The following USP24 variants were observed in gnomAD, a reference collection of about 807,000 sequenced individuals.
The protein encoded by USP24 is ubiquitin specific peptidase 24.
In USP24, 97 loss-of-function variants were observed where a neutral mutation model predicts 361.6. The ratio of observed to expected loss-of-function variants is 0.27; its 90% CI spans 0.23 to 0.32. The LOEUF is 0.32. Among genes scored for constraint, USP24 ranks in the 10% least tolerant of loss-of-function variants. The pLI, the probability that USP24 is intolerant of heterozygous loss-of-function variation, is 1.00. For synonymous variants in USP24, 1,098 were observed against 1,124.6 expected (o/e 0.98, Z 0.47); for missense variants, 2,353 against 3,165.6 (o/e 0.74, Z 6.16).
intron 16 of USP24, among the ~76,000 whole-genome samples, chr1:55,152,258 C>G (rs1647221091): frequency 6.6e-6 from 1 of 152,104 alleles, no homozygotes; most frequent in African/African-American, 2.4e-5. Flanking sequence ...CACAAAATAA[C>G]TCCAAAAATT....
intron 1 of USP24, among the ~76,000 whole-genome samples, chr1:55,191,869 C>T (rs527790409): frequency 1.7e-4 from 26 of 152,276 alleles, no homozygotes; most frequent in African/African-American, 6.3e-4. Context: ...TACCCCCACA[C>T]AGTTTAGCAA....
chr1:55,199,196 C>T (rs548170864), intron 1 of USP24, among the ~76,000 whole-genome samples: 15 of 151,878 alleles, frequency 9.9e-5, no homozygotes, highest in East Asian at 1.9e-4. Context: ...GGCTCAGGCA[C>T]GAGAATCACT....
rs17111576 is a variant in USP24, at chr1:55,077,295, T to C, written c.7320A>G (p.Gln2440=). The change falls in exon 62 of 68, where the codon CAA becomes CAG. Residue 2440 remains glutamine (Q), a synonymous_variant. Coordinates refer to ENST00000294383, the MANE Select transcript of USP24 (RefSeq NM_015306.3). ...SFTMLHFIKN[Q]LETAPPHELK... is the part of the protein sequence containing the mutation. ...ACTCATGAGGTGGAGCCGTTTCTAG[T>C]TGGTTCTGAAATATTTTTTAAAAGC... The C allele has an allele frequency of 7.4e-3, 11,522 of 1,558,478 alleles. 668 individuals are homozygous for C. The African/African-American group carries it at 0.14, about 18-fold the overall frequency.
At position 55,214,867 on chromosome 1, in the gene USP24, G is replaced by GGCCGCC. The variant is rs540467668; in HGVS notation, c.241_246dup (p.Gly81_Gly82dup). 12 of 1,220,346 alleles carry GGCCGCC rather than the reference G, an allele frequency of 9.8e-6. No homozygotes were observed. The highest frequency in any genetic ancestry group is 1.6e-5 in the African/African-American group (1 of 62,818). 75.6% of individuals were successfully genotyped at this position (1,220,346 alleles called of 1,614,324 possible). A position where few individuals can be genotyped will look rare whatever the true frequency, so the allele number is the denominator to read the frequency against. ...CCTCCGGTGCTCCCGCCGCGGGAGG[G>GGCCGCC]GCCGCCGCCGCCGCCGTCACCTCCG... On this transcript the variant is annotated inframe_insertion, in exon 1 of 68. Coordinates refer to ENST00000294383, the MANE Select transcript of USP24 (RefSeq NM_015306.3).
At chr1:55,138,008 G>A (rs1336858636) in intron 26 of USP24, 104 bp from the exon 27 acceptor site, 4 of 1,115,856 alleles carry the variant, frequency 3.6e-6, no homozygotes, top group African/African-American at 1.6e-5. Context: ...TCTAGAAGCT[G>A]GGAACACAGC....
intron 10 of USP24, among the ~76,000 whole-genome samples, chr1:55,157,632 A>C (rs1041363170): frequency 9.9e-5 from 15 of 152,110 alleles, no homozygotes; most frequent in African/African-American, 3.4e-4. Context: ...CAGGAGTTTG[A>C]GACCAGCCTG....
chr1:55,196,459 T>A (rs1644418912), intron 1 of USP24, among the ~76,000 whole-genome samples: 1 of 152,196 alleles, frequency 6.6e-6, no homozygotes, highest in Non-Finnish European at 1.5e-5. Context: ...TGGGTTTTGG[T>A]GTGATCCACT....
intron 31 of USP24, 134 bp downstream of exon 31, chr1:55,132,411 A>G: frequency 1.8e-6 from 2 of 1,132,442 alleles, no homozygotes; most frequent in Non-Finnish European, 2.4e-6. Flanking sequence ...TTTATAATCT[A>G]TTTCTTAAAA....
At chr1:55,069,213 C>G in intron 67 of USP24, 106 bp from the exon 68 acceptor site, 2 of 1,029,258 alleles carry the variant, frequency 1.9e-6, no homozygotes, top group Non-Finnish European at 3.0e-6. Context: ...CAACTTAATG[C>G]AATGTTTATC....
At chr1:55,190,543 C>A (rs921572371) in intron 1 of USP24, among the ~76,000 whole-genome samples, 3 of 152,182 alleles carry the variant, frequency 2.0e-5, no homozygotes, top group Non-Finnish European at 4.4e-5. Context: ...ATGTATTGAG[C>A]TTTTAATAAG....
At chr1:55,108,236 T>C (rs1249272665) in intron 39 of USP24, among the ~76,000 whole-genome samples, 1 of 152,198 alleles carries the variant, frequency 6.6e-6, no homozygotes, top group Non-Finnish European at 1.5e-5. Context: ...GCCAAACTCC[T>C]GAGAACTACT....
At chr1:55,152,101 G>T in intron 16 of USP24, 1 of 527,108 alleles carries the variant, frequency 1.9e-6, no homozygotes, top group Non-Finnish European at 2.4e-6. Flanking sequence ...TGTGTACTTT[G>T]TAAAAGTCCA....
intron 5 of USP24, among the ~76,000 whole-genome samples, chr1:55,168,013 T>C (rs1649060355): frequency 6.6e-6 from 1 of 152,072 alleles, no homozygotes; most frequent in South Asian, 2.1e-4. Context: ...ATATGACATT[T>C]AAATCCATTA....
rs760736928 is a variant in USP24, at chr1:55,172,364, A to T, written c.702+13T>A. On this transcript the variant is annotated intron_variant, in intron 4 of 67. Coordinates refer to ENST00000294383, the MANE Select transcript of USP24 (RefSeq NM_015306.3). ...ATCAAAACACAAAGTACTTAATTTT[A>T]GAGATACTATACCATTGTAAGCACA... The T allele has an allele frequency of 4.6e-5, 73 of 1,582,458 alleles. No individual in the cohort carries two copies. In the East Asian group the frequency reaches 1.5e-3, roughly 33 times the overall value.
chr1:55,154,328 C>T, intron 14 of USP24, 43 bp downstream of exon 14: 7 of 1,570,470 alleles, frequency 4.5e-6, no homozygotes, highest in Non-Finnish European at 6.1e-6. Flanking sequence ...CAAATAGCTG[C>T]TTTGAGCATT....
chr1:55,081,214 G>T, intron 59 of USP24, 108 bp downstream of exon 59: 4 of 1,119,526 alleles, frequency 3.6e-6, no homozygotes, highest in Non-Finnish European at 5.1e-6. Flanking sequence ...ACCTCAACTA[G>T]CAAGTAGTCG....
intron 67 of USP24, 80 bp downstream of exon 67, chr1:55,071,734 C>T (rs556623011): frequency 2.9e-6 from 4 of 1,382,790 alleles, no homozygotes; most frequent in East Asian, 4.9e-5. Context: ...ATCTTGTTTT[C>T]CCTCAGCTGT....
At chr1:55,137,715 GAGAGGAAAAGGA>G in intron 27 of USP24, 27 bp from the exon 28 acceptor site, 3 of 1,599,972 alleles carry the variant, frequency 1.9e-6, no homozygotes, top group Non-Finnish European at 2.6e-6. Flanking sequence ...CTTAATTATT[GAGAGGAAAAGGA>G]AGAGGAAATT....
chr1:55,111,428 TACA>T (rs1383696226), intron 38 of USP24, among the ~76,000 whole-genome samples: 4 of 152,084 alleles, frequency 2.6e-5, no homozygotes, highest in African/African-American at 9.6e-5. Context: ...TGAACTGACT[TACA>T]ACAAGTATAA....
Sources: gnomAD v4.1 joint callset for allele counts (sites outside exome capture counted in the v4.1 genomes callset) on GRCh38, gnomAD v4.1.1 for gene constraint, MANE v1.5 for transcripts, NCBI Gene and HGNC (gene_info 2026-07-23, HGNC 2026-07-21) for gene names.